IQUB: variants seen among roughly 807,000 people sequenced by gnomAD.
The protein encoded by IQUB is IQ motif and ubiquitin-like domain-containing protein.
IQUB carries 86 observed loss-of-function variants against 86.4 expected under a neutral mutation model. The observed-to-expected ratio is 1.00, with a 90% CI of 0.84 to 1.19. IQUB has a LOEUF of 1.19. IQUB is among the 50% of genes most tolerant of loss of function. The pLI is 0.00. For missense variants in IQUB, 946 were observed against 916.9 expected (o/e 1.03, Z -0.41); for synonymous variants, 289 against 304.5 (o/e 0.95, Z 0.53).
At chr7:123,501,938 C>T (rs949216071) in intron 6 of IQUB, 10 of 152,172 alleles carry the variant, frequency 6.6e-5, no homozygotes, top group African/African-American at 1.4e-4. Context: ...ATAAAGCCTG[C>T]TATAAAGTTA....
chr7:123,475,074 C>T (rs1054451791), intron 8 of IQUB, among the ~76,000 whole-genome samples: 19 of 152,068 alleles, frequency 1.2e-4, no homozygotes, highest in African/African-American at 3.6e-4. Context: ...AATTATGTTG[C>T]GTTTAATATT....
Position 123,512,090 on chromosome 7 carries a change from G to A in IQUB, c.251C>T (p.Ser84Leu). Reference protein sequence around the residue: ...DNEQLMEEVISPRQVSYTPQH... With the variant: ...DNEQLMEEVILPRQVSYTPQH... ...CGGAGTATATGAAACTTGTCTTGGT[G>A]ATATAACCTCTTCCATGAGTTGTTC... is the stretch of plus-strand genomic sequence containing the variant. The change falls in exon 2 of 13, where the codon TCA becomes TTA. Residue 84 changes from serine (S) to leucine (L), a missense_variant. Physicochemically the swap from Ser to Leu is moderately radical, Grantham distance 145 (BLOSUM62 -2). Transcript: ENST00000324698. The A allele has an allele frequency of 1.9e-6, 3 of 1,614,034 alleles. No homozygotes were observed. The highest frequency in any genetic ancestry group is 2.5e-6 in the Non-Finnish European group (3 of 1,179,970).
chr7:123,467,965 G>A (rs1453369141), intron 9 of IQUB, among the ~76,000 whole-genome samples: 4 of 152,208 alleles, frequency 2.6e-5, no homozygotes, highest in Admixed American at 1.3e-4. Context: ...AGAGACCTGC[G>A]GGCAAGGCAA....
chr7:123,501,231 A>T (rs1795929218), intron 6 of IQUB: 1 of 152,244 alleles, frequency 6.6e-6, no homozygotes, highest in South Asian at 2.1e-4. Flanking sequence ...ATCTTCATAC[A>T]GTAACAAGCT....
intron 1 of IQUB, among the ~76,000 whole-genome samples, chr7:123,522,699 A>G (rs2117329651): frequency 6.6e-6 from 1 of 152,106 alleles, no homozygotes; most frequent in South Asian, 2.1e-4. Flanking sequence ...AAAGTAGGAG[A>G]AAAAAATACT....
At chr7:123,519,331 C>A (rs2117308019) in intron 1 of IQUB, among the ~76,000 whole-genome samples, 1 of 152,270 alleles carries the variant, frequency 6.6e-6, no homozygotes, top group East Asian at 1.9e-4. Context: ...GAAAGGAAAT[C>A]AGCATATTGA....
Position 123,457,469 on chromosome 7 carries a change from T to C in IQUB, c.2105A>G (p.Asn702Ser), listed in dbSNP as rs769647516. The C allele has an allele frequency of 4.3e-6, 7 of 1,611,822 alleles. No homozygotes were observed. In the East Asian group the frequency reaches 1.1e-4, roughly 26 times the overall value. The change falls in exon 12 of 13, where the codon AAT (asparagine) becomes AGT (serine). Residue 702 changes from asparagine to serine, a missense_variant. Physicochemically the swap from Asn to Ser is conservative, Grantham distance 46. Transcript: ENST00000324698. ...CCAGGGGGACCACTCCAGGGATTTA[T>C]TCCATCTGACCATGACCAGATCACT... ...NLSDLVMVRW[N>S]KSLEWSPWNC... is the part of the protein sequence containing the mutation.
At chr7:123,466,688 A>G (rs978343770) in intron 9 of IQUB, among the ~76,000 whole-genome samples, 3 of 152,168 alleles carry the variant, frequency 2.0e-5, no homozygotes, top group African/African-American at 7.2e-5. Context: ...AGTTAGGAGT[A>G]AAGAAACCTA....
intron 1 of IQUB, among the ~76,000 whole-genome samples, chr7:123,523,359 C>A (rs1452019453): frequency 6.8e-6 from 1 of 146,702 alleles, no homozygotes; most frequent in African/African-American, 2.5e-5. Flanking sequence ...TCCTCTCCAG[C>A]ACCTGTTGTT....
chr7:123,477,337 GA>G (rs1250865928), intron 8 of IQUB, among the ~76,000 whole-genome samples: 1 of 152,158 alleles, frequency 6.6e-6, no homozygotes, highest in African/African-American at 2.4e-5. Context: ...AAGAAATGGG[GA>G]AAGGATTCCC....
intron 1 of IQUB, among the ~76,000 whole-genome samples, chr7:123,529,752 C>G (rs1442138229): frequency 2.7e-5 from 1 of 37,158 alleles, no homozygotes; most frequent in Non-Finnish European, 5.8e-5. Context: ...AAAAAAAAAA[C>G]AGGCTAGGTG....
intron 1 of IQUB, among the ~76,000 whole-genome samples, chr7:123,519,445 A>G (rs1265621817): frequency 2.0e-5 from 3 of 152,232 alleles, no homozygotes; most frequent in Non-Finnish European, 2.9e-5. Flanking sequence ...ATGTATACAC[A>G]CAATGAAATA....
chr7:123,486,595 A>G (rs1331852600), intron 7 of IQUB, among the ~76,000 whole-genome samples: 1 of 152,196 alleles, frequency 6.6e-6, no homozygotes, highest in Non-Finnish European at 1.5e-5. Flanking sequence ...AAATAATGAT[A>G]AAGGTAACTT....
chr7:123,533,849 T>C (rs933929032), intron 1 of IQUB, among the ~76,000 whole-genome samples: 1 of 152,246 alleles, frequency 6.6e-6, no homozygotes, highest in Non-Finnish European at 1.5e-5. Flanking sequence ...TTATGTATTA[T>C]CTATTCAAAT....
intron 10 of IQUB, among the ~76,000 whole-genome samples, chr7:123,463,345 G>T (rs879246619): frequency 1.3e-5 from 2 of 151,538 alleles, no homozygotes; most frequent in Non-Finnish European, 1.5e-5. Flanking sequence ...TGCTTGTAAT[G>T]ATTTTATTCA....
chr7:123,457,433 A>G lies in IQUB; in HGVS notation c.2141T>C (p.Leu714Pro), dbSNP rs1304088345. 6.2e-7 allele frequency: 1 copy of G among 1,612,622 alleles called. No individual in the cohort carries two copies. The highest frequency in any genetic ancestry group is 8.5e-7 in the Non-Finnish European group (1 of 1,179,172). Residue 714 changes from leucine to proline, a missense_variant, in exon 12 of 13, where the codon CTT (leucine) becomes CCT (proline). Transcript: ENST00000324698. ...AGCAGCTGCTTCATCTTTGGTAAGA[A>G]GAATGCAGTTCCAGGGGGACCACTC... ...SLEWSPWNCI[L>P]LTKDEAAAHL...
Position 123,476,751 on chromosome 7 carries a change from G to A in IQUB, c.1410+3044C>T, listed in dbSNP as rs1267543676. Among the ~76,000 whole-genome samples, 7 of 151,398 alleles carry A rather than the reference G, an allele frequency of 4.6e-5. No homozygotes were observed. The Admixed American group carries it at 4.6e-4, about 10-fold the overall frequency. ...TCATGACATCCTCCCAGGGGAGATAGGAAGGCCTATTTGATATATGCAGAG... is the reference window on the plus strand; with the variant it reads ...TCATGACATCCTCCCAGGGGAGATAAGAAGGCCTATTTGATATATGCAGAG... On this transcript the variant is annotated intron_variant, in intron 8 of 12. Transcript: ENST00000324698.
At chr7:123,494,683 A>G (rs958570304) in intron 7 of IQUB, among the ~76,000 whole-genome samples, 1 of 152,108 alleles carries the variant, frequency 6.6e-6, no homozygotes, top group Non-Finnish European at 1.5e-5. Flanking sequence ...ATAGAACAAT[A>G]GCTCGCATAT....
At chr7:123,485,354 C>T (rs1584588627) in intron 7 of IQUB, among the ~76,000 whole-genome samples, 1 of 152,048 alleles carries the variant, frequency 6.6e-6, no homozygotes, top group Admixed American at 6.6e-5. Context: ...TTAAGGCCAA[C>T]CTGTATGACC....
Sources: gnomAD v4.1 joint callset for allele counts (sites outside exome capture counted in the v4.1 genomes callset) on GRCh38, gnomAD v4.1.1 for gene constraint, MANE v1.5 for transcripts, NCBI Gene and HGNC (gene_info 2026-07-23, HGNC 2026-07-21) for gene names.